The following ZNF232 variants were observed in gnomAD, a reference collection of about 807,000 sequenced individuals.
The protein encoded by ZNF232 is zinc finger protein 232.
In ZNF232, 25 loss-of-function variants were observed where a neutral mutation model predicts 25.2. The observed-to-expected ratio is 0.99, with a 90% CI of 0.72 to 1.39. The LOEUF is 1.39. ZNF232 is among the 40% of genes most tolerant of loss of function. The pLI is 0.00. For synonymous variants in ZNF232, 193 were observed against 182.9 expected, an observed-to-expected ratio of 1.06 and a Z score of -0.45; for missense variants, 519 against 520.9, an observed-to-expected ratio of 1.00 and a Z score of 0.04.
rs1406453456 is a variant in ZNF232 at position 5,111,432 on chromosome 17, C to T, written c.23+368G>A. 1.7e-5 allele frequency: 6 copies of T among 351,670 alleles called. No individual in the cohort carries two copies. In the East Asian group the frequency reaches 2.0e-4, roughly 12 times the overall value. 21.8% of individuals were successfully genotyped at this position (351,670 alleles called of 1,614,324 possible). A position where few individuals can be genotyped will look rare whatever the true frequency, so the allele number is the denominator to read the frequency against. Reference sequence around the variant, plus strand: ...GAGGCGCGAGGAAAAACGCGGAGCTCGCGTCTCCCAGGGTGATGCCCGGCG... The same window carrying T: ...GAGGCGCGAGGAAAAACGCGGAGCTTGCGTCTCCCAGGGTGATGCCCGGCG... On this transcript the variant is annotated intron_variant, in intron 1 of 3. Coordinates refer to ENST00000575898, the Ensembl canonical transcript of ZNF232.
chr17:5,111,535 G>A, intron 1 of ZNF232: 1 of 543,528 alleles, frequency 1.8e-6, no homozygotes, highest in Admixed American at 3.6e-5. Context: ...GTCCAGGCCA[G>A]GTACAACTCC....
chr17:5,109,867 C>A (rs1212744503), exon 2 of ZNF232: 1 of 1,593,256 alleles, frequency 6.3e-7, no homozygotes, highest in African/African-American at 1.4e-5. Context: ...TGCAAGGGCC[C>A]CCTGTAACAT....
intron 1 of ZNF232, among the ~76,000 whole-genome samples, chr17:5,119,453 A>C (rs1220210696): frequency 6.6e-6 from 1 of 152,180 alleles, no homozygotes; most frequent in Non-Finnish European, 1.5e-5. Context: ...GCCCCCACTA[A>C]AGTGAGGTCA....
chr17:5,112,489 T>C (rs1387554026), upstream of ZNF232: 7 of 152,046 alleles, frequency 4.6e-5, no homozygotes, highest in East Asian at 1.2e-3. Context: ...TCTTGCTCTG[T>C]CGCCCAGGCT....
chr17:5,115,938 G>A (rs1475176868), upstream of ZNF232, among the ~76,000 whole-genome samples: 2 of 152,208 alleles, frequency 1.3e-5, no homozygotes, highest in Non-Finnish European at 2.9e-5. Flanking sequence ...GGATAGCGCC[G>A]GGGGATCGGG....
chr17:5,110,355 G>C (rs1342673546), intron 1 of ZNF232, among the ~76,000 whole-genome samples: 2 of 152,162 alleles, frequency 1.3e-5, no homozygotes, highest in African/African-American at 4.8e-5. Context: ...TAGAAACGGG[G>C]ATGTAAAGTG....
At chr17:5,112,701 C>G (rs1281021025), upstream of ZNF232, among the ~76,000 whole-genome samples, 2 of 151,944 alleles carry the variant, frequency 1.3e-5, no homozygotes, top group Non-Finnish European at 2.9e-5. Flanking sequence ...ATCCGCCCGT[C>G]TCGGCCTCCC....
intron 3 of ZNF232, among the ~76,000 whole-genome samples, chr17:5,107,963 A>T (rs1179864263): frequency 6.6e-6 from 1 of 152,212 alleles, no homozygotes; most frequent in Non-Finnish European, 1.5e-5. Flanking sequence ...GAGTAAAGTA[A>T]TAAAATTGAT....
intron 1 of ZNF232, among the ~76,000 whole-genome samples, chr17:5,117,515 CAAAA>C (rs59282298): frequency 3.2e-5 from 2 of 61,974 alleles, no homozygotes; most frequent in Admixed American, 1.7e-4. Flanking sequence ...GACTCCGTCT[CAAAA>C]AAAAAAAAAA....
chr17:5,112,502 A>G (rs577966400), upstream of ZNF232, among the ~76,000 whole-genome samples: 34 of 151,690 alleles, frequency 2.2e-4, no homozygotes, highest in African/African-American at 8.2e-4. Context: ...CCCAGGCTGG[A>G]GTGCAGTGGC....
chr17:5,108,872 G>C, intron 3 of ZNF232, 54 bp downstream of exon 3: 1 of 1,612,140 alleles, frequency 6.2e-7, no homozygotes, highest in Non-Finnish European at 8.5e-7. Flanking sequence ...TAGGTACTGT[G>C]CCCTTTATAG....
intron 3 of ZNF232, among the ~76,000 whole-genome samples, chr17:5,107,541 G>GA (rs200604531): frequency 0.39 from 51,343 of 132,390 alleles, 10,954 homozygotes; most frequent in Non-Finnish European, 0.52. Flanking sequence ...AAGGTCATTT[G>GA]ACTTTTTTTT....
At chr17:5,110,605 T>C (rs1429764962) in intron 1 of ZNF232, among the ~76,000 whole-genome samples, 2 of 152,140 alleles carry the variant, frequency 1.3e-5, no homozygotes, top group African/African-American at 4.8e-5. Flanking sequence ...AAGTAGTAGC[T>C]ACAGCAAAAG....
chr17:5,109,508 C>G, exon 2 of ZNF232: 1 of 1,614,194 alleles, frequency 6.2e-7, no homozygotes, highest in Admixed American at 1.7e-5. Flanking sequence ...GCAGGATGGT[C>G]AAGAATTGTT....
chr17:5,106,656 T>A, intron 3 of ZNF232, 123 bp from the exon 4 acceptor site: 1 of 847,758 alleles, frequency 1.2e-6, no homozygotes, highest in Non-Finnish European at 1.8e-6. Context: ...TTGCCAACAG[T>A]TATCTCTTGG....
upstream of ZNF232, chr17:5,113,756 A>G (rs899614715): frequency 6.6e-6 from 1 of 152,148 alleles, no homozygotes; most frequent in African/African-American, 2.4e-5. Context: ...TACCCATTTT[A>G]CTGTTCCCCT....
upstream of ZNF232, chr17:5,113,463 C>T (rs1264945243): frequency 1.3e-5 from 2 of 152,224 alleles, no homozygotes; most frequent in Non-Finnish European, 2.9e-5. Context: ...GTATGTCAAA[C>T]TTCAATGTGC....
At chr17:5,108,690 A>G in intron 3 of ZNF232, 1 of 476,790 alleles carries the variant, frequency 2.1e-6, no homozygotes, top group South Asian at 2.4e-5. Flanking sequence ...ATATCCAGAT[A>G]AGACCCAAGT....
chr17:5,108,517 G>GT (rs2072316762), intron 3 of ZNF232, among the ~76,000 whole-genome samples: 2 of 150,360 alleles, frequency 1.3e-5, no homozygotes, highest in African/African-American at 4.9e-5. Flanking sequence ...GCCTCAGCGA[G>GT]TTTAAAAAAA....
Sources: allele counts gnomAD v4.1 joint callset (sites outside exome capture counted in the v4.1 genomes callset), GRCh38; gene constraint gnomAD v4.1.1; transcripts MANE v1.5; gene names NCBI Gene and HGNC (gene_info 2026-07-23, HGNC 2026-07-21).